The following SBF2 variants were observed in gnomAD, a reference collection of about 807,000 sequenced individuals.
SBF2 encodes the protein myotubularin-related protein 13.
A neutral mutation model predicts 225.2 loss-of-function variants in SBF2; 112 were observed. The observed-to-expected ratio is 0.50, with a 90% CI of 0.43 to 0.58. The LOEUF (loss-of-function observed/expected upper bound fraction) is 0.58. Among genes scored for constraint, SBF2 ranks in the 20% least tolerant of loss-of-function variants. SBF2 has a pLI of 0.00. For synonymous variants in SBF2, 763 were observed against 773.3 expected, an observed-to-expected ratio of 0.99 and a Z score of 0.22; for missense variants, 1,996 against 2,206.2, an observed-to-expected ratio of 0.90 and a Z score of 1.91.
intron 26 of SBF2, among the ~76,000 whole-genome samples, chr11:9,833,556 G>A (rs941539932): frequency 1.3e-5 from 2 of 151,430 alleles, no homozygotes; most frequent in Non-Finnish European, 2.9e-5. Flanking sequence ...GAGTAGCTAC[G>A]ACTACAAGCG....
chr11:9,933,266 C>T (rs1864635518), intron 16 of SBF2, among the ~76,000 whole-genome samples: 1 of 149,628 alleles, frequency 6.7e-6, no homozygotes. Context: ...AGAAGGTTAA[C>T]AAGGATATCC....
chr11:10,046,184 A>T (rs1267644139), intron 2 of SBF2, among the ~76,000 whole-genome samples: 2 of 152,112 alleles, frequency 1.3e-5, no homozygotes, highest in East Asian at 3.8e-4. Flanking sequence ...GGATTCTTGG[A>T]ACCAATCCCC....
In SBF2 at chr11:9,847,591, G is replaced by T. The variant is rs1489431221; in HGVS notation, c.2807-508C>A. ...TTTAATATAAGGATAAAGCAAAAGAGAATAGGTTTTTAAAGTTTGTTTCGA... is the reference window on the plus strand; with the variant it reads ...TTTAATATAAGGATAAAGCAAAAGATAATAGGTTTTTAAAGTTTGTTTCGA... On this transcript the variant is annotated intron_variant, in intron 22 of 39. Transcript: ENST00000256190. 2.6e-5 allele frequency among the ~76,000 whole-genome samples: 4 copies of T among 151,832 alleles called. No homozygotes were observed. The South Asian group carries it at 6.2e-4, about 24-fold the overall frequency.
intron 1 of SBF2, among the ~76,000 whole-genome samples, chr11:10,218,687 A>G (rs1248896376): frequency 6.6e-6 from 1 of 152,184 alleles, no homozygotes; most frequent in African/African-American, 2.4e-5. Context: ...TCTCATCTAG[A>G]TACAACGGAG....
Position 9,851,559 on chromosome 11 carries a change from G to GA in SBF2, c.2610+1116dup, listed in dbSNP as rs149783237. Among the ~76,000 whole-genome samples, 1,270 of 150,498 alleles carry GA rather than the reference G, an allele frequency of 8.4e-3. 19 individuals carry two copies. The highest frequency in any genetic ancestry group is 0.029 in the African/African-American group (1,176 of 41,032). On this transcript the variant is annotated intron_variant, in intron 21 of 39. Coordinates refer to ENST00000256190, the MANE Select transcript of SBF2 (RefSeq NM_030962.4). The stretch of plus-strand genomic sequence containing the variant: ...ATTCCTCTGAAGAGTTTAGGGCTAG[G>GA]AAAAAAAAATCTCTCCTGAAGGTCT...
chr11:10,286,127 CAA>C (rs2135572632), intron 1 of SBF2, among the ~76,000 whole-genome samples: 1 of 151,508 alleles, frequency 6.6e-6, no homozygotes, highest in Non-Finnish European at 1.5e-5. Flanking sequence ...CACGCCCAGC[CAA>C]AAGAGATTTT....
chr11:10,040,764 A>T (rs1949623427), intron 3 of SBF2, among the ~76,000 whole-genome samples: 1 of 151,216 alleles, frequency 6.6e-6, no homozygotes, highest in African/African-American at 2.4e-5. Context: ...GAGAGGAGAG[A>T]GGGGAAGAGG....
intron 32 of SBF2, among the ~76,000 whole-genome samples, chr11:9,800,375 G>A (rs368490615): frequency 1.3e-5 from 2 of 151,834 alleles, no homozygotes; most frequent in African/African-American, 4.8e-5. Flanking sequence ...TGCTTAACAG[G>A]GATTTTTAAA....
chr11:9,963,990 C>A (rs1001353841), intron 14 of SBF2, 108 bp from the exon 15 acceptor site: 2 of 687,574 alleles, frequency 2.9e-6, no homozygotes, highest in African/African-American at 3.6e-5. Context: ...GAGGCTCACA[C>A]CCGTAATCCC....
chr11:10,094,334 T>A (rs1297067089), intron 2 of SBF2, among the ~76,000 whole-genome samples: 1 of 151,928 alleles, frequency 6.6e-6, no homozygotes, highest in Admixed American at 6.6e-5. Flanking sequence ...AAAAAATATA[T>A]GTATATATAT....
Position 10,294,046 on chromosome 11 carries a change from G to A in SBF2, c.24C>T (p.Phe8=). The change falls in exon 1 of 40, where the codon TTC becomes TTT. Residue 8 remains phenylalanine, a synonymous_variant. Coordinates refer to ENST00000256190, the MANE Select transcript of SBF2 (RefSeq NM_030962.4). MARLADY[F]IVVGYDHEKP... ...TCTCGTGGTCATAGCCTACCACGAT[G>A]AAGTAGTCAGCCAGCCGGGCCATGG... 7.1e-7 allele frequency: 1 copy of A among 1,402,914 alleles called. No homozygotes were observed. Among genetic ancestry groups the A allele is most frequent in the Non-Finnish European group, 9.3e-7 (1 of 1,072,278 alleles). 86.9% of individuals were successfully genotyped at this position (1,402,914 alleles called of 1,614,324 possible). A position where few individuals can be genotyped will look rare whatever the true frequency, so the allele number is the denominator to read the frequency against.
At chr11:10,031,689 G>A (rs536628135) in intron 3 of SBF2, among the ~76,000 whole-genome samples, 31 of 152,268 alleles carry the variant, frequency 2.0e-4, no homozygotes, top group Non-Finnish European at 3.1e-4. Context: ...AAGCACAATC[G>A]GCTCTAAATT....
intron 28 of SBF2, chr11:9,828,452 T>C: frequency 4.1e-6 from 4 of 985,426 alleles, no homozygotes; most frequent in African/African-American, 1.7e-5. Flanking sequence ...GAGAATTTAA[T>C]GATAAATGGA....
At chr11:9,811,121 A>AT (rs1288013591) in intron 30 of SBF2, 1 of 152,264 alleles carries the variant, frequency 6.6e-6, no homozygotes, top group Non-Finnish European at 1.5e-5. Flanking sequence ...ATTCTCACTT[A>AT]TAAGTGGGAG....
chr11:9,982,097 T>C (rs1252053710), intron 13 of SBF2, among the ~76,000 whole-genome samples: 1 of 152,246 alleles, frequency 6.6e-6, no homozygotes, highest in Non-Finnish European at 1.5e-5. Flanking sequence ...CCTTTTAACT[T>C]ACTGCATTTC....
intron 30 of SBF2, 68 bp from the exon 31 acceptor site, chr11:9,809,070 C>A: frequency 8.4e-7 from 1 of 1,192,972 alleles, no homozygotes; most frequent in Non-Finnish European, 1.2e-6. Context: ...GAGAGAGTTG[C>A]TTTCAACCCT....
chr11:10,229,020 G>C (rs905615137), intron 1 of SBF2, among the ~76,000 whole-genome samples: 3 of 152,126 alleles, frequency 2.0e-5, no homozygotes, highest in Non-Finnish European at 4.4e-5. Context: ...TCTATTCAGA[G>C]ATTCAACTTC....
intron 2 of SBF2, among the ~76,000 whole-genome samples, chr11:10,052,238 C>T (rs1309928896): frequency 6.6e-6 from 1 of 151,942 alleles, no homozygotes; most frequent in Non-Finnish European, 1.5e-5. Flanking sequence ...AACACTGTGC[C>T]CTCCTTTTTT....
At chr11:10,002,027 T>A (rs1008552324) in intron 7 of SBF2, among the ~76,000 whole-genome samples, 1 of 151,658 alleles carries the variant, frequency 6.6e-6, no homozygotes, top group Non-Finnish European at 1.5e-5. Flanking sequence ...ACATATCCCA[T>A]AAAAAAAACA....
Sources: gnomAD v4.1 joint callset for allele counts (sites outside exome capture counted in the v4.1 genomes callset) on GRCh38, gnomAD v4.1.1 for gene constraint, MANE v1.5 for transcripts, NCBI Gene and HGNC (gene_info 2026-07-23, HGNC 2026-07-21) for gene names.